Variants in ARL15 observed in about 807,000 individuals in gnomAD.
The protein encoded by ARL15 is ARF like GTPase 15, also known as ADP-ribosylation factor-like protein 15.
ARL15 carries 19 observed loss-of-function variants against 25.2 expected under a neutral mutation model. The observed-to-expected ratio is 0.75, with a 90% CI of 0.53 to 1.10. ARL15 has a LOEUF of 1.10. Ranked by LOEUF, ARL15 falls within the 50% of genes least tolerant of loss-of-function variation. The pLI is 0.00. For synonymous variants in ARL15, 94 were observed against 86.8 expected, an observed-to-expected ratio of 1.08 and a Z score of -0.46; for missense variants, 220 against 246.0, an observed-to-expected ratio of 0.89 and a Z score of 0.71.
At chr5:53,945,300 G>A (rs1014507118) in intron 4 of ARL15, among the ~76,000 whole-genome samples, 4 of 152,108 alleles carry the variant, frequency 2.6e-5, no homozygotes, top group African/African-American at 7.2e-5. Flanking sequence ...CATGTTTGTC[G>A]TTTACTGGGT....
chr5:53,940,526 C>T (rs1470471221), intron 4 of ARL15, among the ~76,000 whole-genome samples: 1 of 152,118 alleles, frequency 6.6e-6, no homozygotes, highest in African/African-American at 2.4e-5. Flanking sequence ...CATTTTTCCT[C>T]AATATAACAT....
chr5:54,023,406 C>T (rs988850413), intron 4 of ARL15, among the ~76,000 whole-genome samples: 13 of 151,674 alleles, frequency 8.6e-5, no homozygotes, highest in Middle Eastern at 3.2e-3. Flanking sequence ...ACGGTTAAGT[C>T]GAAAAAGCAA....
chr5:54,095,170 C>T (rs927318754), intron 4 of ARL15, among the ~76,000 whole-genome samples: 1 of 152,020 alleles, frequency 6.6e-6, no homozygotes, highest in African/African-American at 2.4e-5. Flanking sequence ...ATCTTTCCTC[C>T]ATCATATGTT....
chr5:54,142,992 T>C (rs1447838518), intron 3 of ARL15, among the ~76,000 whole-genome samples: 2 of 152,236 alleles, frequency 1.3e-5, no homozygotes, highest in Non-Finnish European at 2.9e-5. Flanking sequence ...TATTTGCTAT[T>C]AATTTCTAAT....
chr5:54,112,607 A>T (rs184142612), intron 4 of ARL15, among the ~76,000 whole-genome samples: 1 of 152,344 alleles, frequency 6.6e-6, no homozygotes, highest in Admixed American at 6.5e-5. Flanking sequence ...CTATTGGCTG[A>T]GACTCTATTT....
rs1755549333 is a variant in ARL15 at position 54,196,342 on chromosome 5, T to C, written c.49-24414A>G. On this transcript the variant is annotated intron_variant, in intron 1 of 4. Transcript: ENST00000504924. Reference sequence around the variant, plus strand: ...TATTTAGAAGTTGAACACTCAAATTTGAGAGCCAGATTTCTGAGTTTGATT... The same window carrying C: ...TATTTAGAAGTTGAACACTCAAATTCGAGAGCCAGATTTCTGAGTTTGATT... Among the ~76,000 whole-genome samples, 3 of 152,040 alleles carry C rather than the reference T, an allele frequency of 2.0e-5. No individual in the cohort carries two copies. The South Asian group carries it at 6.2e-4, about 31-fold the overall frequency.
rs1486206993 is a variant in ARL15 at position 53,914,110 on chromosome 5, G to C, written c.463-27397C>G. On this transcript the variant is annotated intron_variant, in intron 4 of 4. Transcript: ENST00000504924. ...CAGAGAGTGGACAGGACAAGGAAAG[G>C]GAAGTGAAATTAGCAAGTGCACAGG... is the stretch of plus-strand genomic sequence containing the variant. Among the ~76,000 whole-genome samples, 3 of 149,612 alleles carry C rather than the reference G, an allele frequency of 2.0e-5. 1 individual carries two copies. The highest frequency in any genetic ancestry group is 4.4e-5 in the Non-Finnish European group (3 of 67,562).
chr5:54,072,402 C>A (rs539841321), intron 4 of ARL15, among the ~76,000 whole-genome samples: 1 of 152,110 alleles, frequency 6.6e-6, no homozygotes, highest in Admixed American at 6.6e-5. Flanking sequence ...GTTGGCAATA[C>A]CCCTGTCTAG....
intron 4 of ARL15, among the ~76,000 whole-genome samples, chr5:54,090,995 CA>C (rs1752110798): frequency 1.3e-5 from 2 of 151,778 alleles, no homozygotes; most frequent in Non-Finnish European, 2.9e-5. Flanking sequence ...ATGTAAAAAA[CA>C]AGAGTTTCTC....
intron 4 of ARL15, among the ~76,000 whole-genome samples, chr5:54,056,626 TAAAAAA>T (rs34643850): frequency 8.9e-6 from 1 of 112,656 alleles, no homozygotes; most frequent in Non-Finnish European, 2.0e-5. Flanking sequence ...TAAAACTGTC[TAAAAAA>T]AAAAAAAAAA....
At chr5:53,891,422 C>T (rs1187881962) in intron 4 of ARL15, among the ~76,000 whole-genome samples, 1 of 152,134 alleles carries the variant, frequency 6.6e-6, no homozygotes, top group African/African-American at 2.4e-5. Flanking sequence ...ATACGCCACC[C>T]CTAGTTCTAC....
intron 1 of ARL15, among the ~76,000 whole-genome samples, chr5:54,178,257 GCT>G (rs948440896): frequency 2.6e-5 from 4 of 152,150 alleles, no homozygotes; most frequent in African/African-American, 9.7e-5. Context: ...TTCAATTGAT[GCT>G]CTGTTTTTCA....
intron 3 of ARL15, among the ~76,000 whole-genome samples, chr5:54,130,435 G>A (rs1753395848): frequency 6.6e-6 from 1 of 152,102 alleles, no homozygotes; most frequent in South Asian, 2.1e-4. Context: ...TTTAATCAAG[G>A]AAAATCCTTT....
chr5:54,035,480 AT>A (rs1449681411), intron 4 of ARL15, among the ~76,000 whole-genome samples: 1 of 152,224 alleles, frequency 6.6e-6, no homozygotes, highest in Non-Finnish European at 1.5e-5. Context: ...TTTATGATAT[AT>A]TAATACTTGG....
intron 1 of ARL15, among the ~76,000 whole-genome samples, chr5:54,285,848 A>G (rs1475183600): frequency 1.3e-5 from 2 of 152,158 alleles, no homozygotes; most frequent in African/African-American, 4.8e-5. Flanking sequence ...GATGCAATAA[A>G]TGGAGGATAC....
chr5:53,952,071 T>C (rs1196236794), intron 4 of ARL15, among the ~76,000 whole-genome samples: 1 of 151,926 alleles, frequency 6.6e-6, no homozygotes, highest in African/African-American at 2.4e-5. Context: ...AAGACCAGCC[T>C]GGCCAAGATG....
At chr5:53,902,306 T>C (rs1327967868) in intron 4 of ARL15, among the ~76,000 whole-genome samples, 1 of 152,206 alleles carries the variant, frequency 6.6e-6, no homozygotes, top group Non-Finnish European at 1.5e-5. Flanking sequence ...GCTAATCCAA[T>C]ATTGGCACCC....
chr5:54,052,992 G>A (rs72750230), intron 4 of ARL15, among the ~76,000 whole-genome samples: 4,860 of 152,188 alleles, frequency 0.032, 122 homozygotes, highest in Non-Finnish European at 0.044. Flanking sequence ...ACCCCACAAC[G>A]ATGAGGCTAT....
chr5:53,965,354 T>TGCTTACACTA (rs1309276812), intron 4 of ARL15, among the ~76,000 whole-genome samples: 1 of 152,214 alleles, frequency 6.6e-6, no homozygotes, highest in African/African-American at 2.4e-5. Context: ...AGTGTAAGCA[T>TGCTTACACTA]TTTAAAGACT....
Sources: allele counts gnomAD v4.1 joint callset (sites outside exome capture counted in the v4.1 genomes callset), GRCh38; gene constraint gnomAD v4.1.1; transcripts MANE v1.5; gene names NCBI Gene and HGNC (gene_info 2026-07-23, HGNC 2026-07-21).